The following SUSD4 variants were observed in gnomAD, a reference collection of about 807,000 sequenced individuals.
SUSD4 encodes the protein sushi domain-containing protein 4.
Under a neutral mutation model 50.5 loss-of-function variants are expected in SUSD4, and 41 were observed. The observed-to-expected ratio is 0.81, with a 90% CI of 0.63 to 1.05. The LOEUF is 1.05. Among genes scored for constraint, SUSD4 ranks in the 50% least tolerant of loss-of-function variants. SUSD4 has a pLI of 0.00. For synonymous variants in SUSD4, 257 were observed against 257.3 expected (o/e 1.00, Z 0.01); for missense variants, 580 against 634.7 (o/e 0.91, Z 0.93).
intron 3 of SUSD4, among the ~76,000 whole-genome samples, chr1:223,275,144 G>C (rs1663169872): frequency 2.0e-5 from 3 of 152,232 alleles, no homozygotes. Flanking sequence ...CAAGTAGAGA[G>C]TGCTTAACGG....
chr1:223,279,963 G>A lies in SUSD4; in HGVS notation c.362-11288C>T, dbSNP rs1248250749. 2.1e-4 allele frequency among the ~76,000 whole-genome samples: 32 copies of A among 152,146 alleles called. No homozygotes were observed. In the East Asian group the frequency reaches 4.8e-3, roughly 23 times the overall value. ...TCTTAAAGAAAAGAATTTTCAACCC[G>A]GAATTTCATATCCAGCCAAACTAAG... On this transcript the variant is annotated intron_variant, in intron 3 of 8. Transcript: ENST00000366878.
At chr1:223,352,344 G>A (rs1432981573) in intron 2 of SUSD4, among the ~76,000 whole-genome samples, 1 of 152,214 alleles carries the variant, frequency 6.6e-6, no homozygotes, top group Non-Finnish European at 1.5e-5. Flanking sequence ...GAAAACTGCA[G>A]CAGCAGATTT....
intron 5 of SUSD4, among the ~76,000 whole-genome samples, chr1:223,242,631 A>C (rs1463247370): frequency 6.6e-6 from 1 of 152,220 alleles, no homozygotes; most frequent in Non-Finnish European, 1.5e-5. Context: ...TTTGAAGCCC[A>C]GCTCTGCTAC....
At chr1:223,251,275 A>G (rs972591148) in intron 5 of SUSD4, among the ~76,000 whole-genome samples, 5 of 152,196 alleles carry the variant, frequency 3.3e-5, no homozygotes, top group African/African-American at 1.2e-4. Context: ...GAAGCTTATA[A>G]TCATGGCAGA....
intron 5 of SUSD4, among the ~76,000 whole-genome samples, chr1:223,245,177 T>C (rs1019985427): frequency 2.0e-5 from 3 of 151,886 alleles, no homozygotes; most frequent in African/African-American, 7.3e-5. Context: ...ATTTAAATAA[T>C]GCAATTTGAC....
At chr1:223,270,695 G>A (rs963485799) in intron 3 of SUSD4, among the ~76,000 whole-genome samples, 4 of 151,988 alleles carry the variant, frequency 2.6e-5, no homozygotes, top group Non-Finnish European at 5.9e-5. Context: ...TCAGCCTCCC[G>A]AGCAGCTGGG....
Position 223,229,549 on chromosome 1 carries a change from T to C in SUSD4, c.725-161A>G. ...TTAGAGATGGTCTCTTTTTTAGTAT[T>C]TCATGGAAGGCGGAATGGAAGCCTG... On this transcript the variant is annotated intron_variant, in intron 5 of 8. Coordinates refer to ENST00000366878, the MANE Select transcript of SUSD4 (RefSeq NM_017982.4). The surrounding 1 kb of genome is among the most constrained non-coding windows in gnomAD (Gnocchi z 4.7). 1.5e-6 allele frequency: 1 copy of C among 648,008 alleles called. No individual in the cohort carries two copies. Among genetic ancestry groups the C allele is most frequent in the East Asian group, 2.8e-5 (1 of 35,894 alleles). 40.1% of individuals were successfully genotyped at this position (648,008 alleles called of 1,614,324 possible).
intron 6 of SUSD4, among the ~76,000 whole-genome samples, chr1:223,228,112 T>C (rs1272356062): frequency 1.3e-5 from 2 of 152,078 alleles, no homozygotes; most frequent in African/African-American, 4.8e-5. Context: ...AGTGGGAAGC[T>C]GGGCCCTTTG....
intron 3 of SUSD4, among the ~76,000 whole-genome samples, chr1:223,270,532 T>C (rs2103088547): frequency 6.6e-6 from 1 of 152,202 alleles, no homozygotes. Flanking sequence ...CTGGCTTTGG[T>C]TTTACCTTTC....
intron 7 of SUSD4, 48 bp from the exon 8 acceptor site, chr1:223,223,679 G>T: frequency 4.5e-6 from 7 of 1,539,182 alleles, no homozygotes; most frequent in Non-Finnish European, 5.3e-6. Context: ...TGCCACTCTG[G>T]GGATGAGGCC....
intron 7 of SUSD4, among the ~76,000 whole-genome samples, chr1:223,224,548 A>G (rs1558159889): frequency 6.6e-6 from 1 of 152,224 alleles, no homozygotes; most frequent in Non-Finnish European, 1.5e-5. Context: ...TACCCCGTTC[A>G]AGCTACGCAG....
intron 3 of SUSD4, 137 bp downstream of exon 3, chr1:223,292,302 T>C: frequency 1.1e-6 from 1 of 876,334 alleles, no homozygotes; most frequent in Admixed American, 2.2e-5. Flanking sequence ...CCACTCCTGC[T>C]TTCTGGTCAG....
intron 3 of SUSD4, among the ~76,000 whole-genome samples, chr1:223,290,759 C>T (rs1664438925): frequency 8.3e-6 from 1 of 120,522 alleles, no homozygotes. Context: ...TTTCTCACCC[C>T]CTTTCTTGCC....
At chr1:223,291,728 T>A (rs2103147319) in intron 3 of SUSD4, among the ~76,000 whole-genome samples, 1 of 152,314 alleles carries the variant, frequency 6.6e-6, no homozygotes, top group Admixed American at 6.5e-5. Context: ...TATTCCAACT[T>A]CAGCCCTGCT....
intron 2 of SUSD4, among the ~76,000 whole-genome samples, chr1:223,338,175 C>T (rs747867794): frequency 3.3e-5 from 5 of 152,196 alleles, no homozygotes; most frequent in African/African-American, 1.2e-4. Flanking sequence ...AATAGAGACA[C>T]AAATTAACCA....
chr1:223,320,753 A>G (rs1037530289), intron 2 of SUSD4, among the ~76,000 whole-genome samples: 1 of 152,132 alleles, frequency 6.6e-6, no homozygotes, highest in Non-Finnish European at 1.5e-5. Context: ...TTTCTTGCTC[A>G]ATGCCCTGAG....
chr1:223,238,857 T>C (rs1462166395), intron 5 of SUSD4, among the ~76,000 whole-genome samples: 1 of 151,994 alleles, frequency 6.6e-6, no homozygotes, highest in Non-Finnish European at 1.5e-5. Flanking sequence ...TGTTTGATGA[T>C]TGATGGTGTT....
chr1:223,283,699 A>C (rs1196027278), intron 3 of SUSD4, among the ~76,000 whole-genome samples: 15 of 152,240 alleles, frequency 9.9e-5, no homozygotes, highest in Admixed American at 2.0e-4. Flanking sequence ...TAGAACTAGA[A>C]ATACCATTTG....
At chr1:223,317,867 T>A (rs1666311769) in intron 2 of SUSD4, among the ~76,000 whole-genome samples, 1 of 141,486 alleles carries the variant, frequency 7.1e-6, no homozygotes, top group East Asian at 2.0e-4. Flanking sequence ...TTTTTTTTTT[T>A]TTATTATACT....
Sources: gnomAD v4.1 joint callset for allele counts (sites outside exome capture counted in the v4.1 genomes callset) on GRCh38, gnomAD v4.1.1 for gene constraint, Gnocchi (gnomAD v3.1) non-coding constraint, MANE v1.5 for transcripts, NCBI Gene and HGNC (gene_info 2026-07-23, HGNC 2026-07-21) for gene names.